Variants in LTBP3 observed in about 807,000 individuals in gnomAD.
The protein encoded by LTBP3 is latent transforming growth factor beta binding protein 3.
In LTBP3, 97 loss-of-function variants were observed where a neutral mutation model predicts 159.7. The ratio of observed to expected loss-of-function variants is 0.61; its 90% CI spans 0.52 to 0.72. The LOEUF (loss-of-function observed/expected upper bound fraction) is 0.72, where lower values mean the gene tolerates loss of function less well. Among genes scored for constraint, LTBP3 ranks in the 30% least tolerant of loss-of-function variants. LTBP3 has a pLI of 0.00. For synonymous variants in LTBP3, 824 were observed against 777.1 expected, an observed-to-expected ratio of 1.06 and a Z score of -1.00; for missense variants, 1,584 against 1,864.3, an observed-to-expected ratio of 0.85 and a Z score of 2.77.
At chr11:65,555,742 G>C (rs1486434607) in intron 1 of LTBP3, among the ~76,000 whole-genome samples, 1 of 152,100 alleles carries the variant, frequency 6.6e-6, no homozygotes, top group Non-Finnish European at 1.5e-5. Context: ...CCAGCCTTGG[G>C]GCTCTGACTC....
intron 1 of LTBP3, among the ~76,000 whole-genome samples, 175 bp downstream of exon 1, chr11:65,557,454 T>A (rs1315865951): frequency 1.3e-5 from 2 of 151,912 alleles, no homozygotes; most frequent in African/African-American, 4.8e-5. Context: ...CCTCCAACTC[T>A]GGCCCCCAGA....
intron 18 of LTBP3, 170 bp downstream of exon 18, chr11:65,542,915 AGGATGGATGGATAGAAGGAT>A: frequency 3.8e-6 from 3 of 787,446 alleles, no homozygotes; most frequent in East Asian, 2.7e-5. Context: ...GATGAATGGA[AGGATGGATGGATAGAAGGAT>A]GGATGGATGG....
rs1258537955 is a variant in LTBP3 at position 65,553,225 on chromosome 11, A to G, written c.1002T>C (p.Arg334=). The G allele has an allele frequency of 6.2e-7, 1 of 1,613,986 alleles. No individual in the cohort carries two copies. Among genetic ancestry groups the G allele is most frequent in the East Asian group, 2.2e-5 (1 of 44,896 alleles). Residue 334 remains arginine, a synonymous_variant, in exon 5 of 28, where the codon CGT becomes CGC. Transcript: ENST00000301873. The surrounding 1 kb of genome is among the most constrained non-coding windows in gnomAD (Gnocchi z 6.5). ...GGGGACAGTCAGCGCCCACTTCCCC[A>G]CGTACAGGCCCTGGCTTCTGCACTC... ...YTGVQKPGPV[R]GEVGADCPQG...
At chr11:65,540,710 G>GGCCTACAGGAGGGGCGGA in intron 21 of LTBP3, 96 bp from the exon 22 acceptor site, 1 of 1,584,566 alleles carries the variant, frequency 6.3e-7, no homozygotes, top group South Asian at 1.1e-5. Flanking sequence ...CCCCGGGCGG[G>GGCCTACAGGAGGGGCGGA]GCCTACAGGA....
rs1856123601 is a variant in LTBP3 at position 65,541,244 on chromosome 11, G to A, written c.2775C>T (p.Asp925=). 1 of 1,613,500 alleles carries A rather than the reference G, an allele frequency of 6.2e-7. No individual in the cohort carries two copies. Among genetic ancestry groups the A allele is most frequent in the Admixed American group, 1.7e-5 (1 of 60,002 alleles). Residue 925 remains aspartate, a synonymous_variant, in exon 20 of 28, where the codon GAC becomes GAT. Transcript: ENST00000301873. The part of the protein sequence containing the change: ...HKKECYLNFD[D]TVFCDSVLAT... ...CCAATACGCTGTCGCAGAACACTGT[G>A]TCATCGAAGTTCAGGTAGCACTCCT...
chr11:65,543,329 A>G (rs1202121293), intron 17 of LTBP3, 98 bp downstream of exon 17: 9 of 1,611,630 alleles, frequency 5.6e-6, no homozygotes, highest in South Asian at 4.4e-5. Context: ...CCACGCCCCT[A>G]TGCCCCAACT....
chr11:65,551,635 T>C, intron 8 of LTBP3, 71 bp from the exon 9 acceptor site: 2 of 1,593,068 alleles, frequency 1.3e-6, no homozygotes, highest in Non-Finnish European at 8.6e-7. Context: ...GATCAGCAGC[T>C]GAGTATTTGC....
Position 65,539,470 on chromosome 11 carries a change from CG to C in LTBP3, c.3629-12del, listed in dbSNP as rs1464834896. On this transcript the variant is annotated splice_polypyrimidine_tract_variant and intron_variant, in intron 26 of 27. Transcript: ENST00000301873. ...CTGAACTGTCCTCATCTGCGTGGCC[CG>C]GAACAATATGGACTTCAACACTGAG... 1.3e-6 allele frequency: 2 copies of C among 1,575,454 alleles called. No individual in the cohort carries two copies. The highest frequency in any genetic ancestry group is 1.7e-6 in the Non-Finnish European group (2 of 1,160,520).
chr11:65,548,295 G>A (rs1048004097), intron 11 of LTBP3: 11 of 627,054 alleles, frequency 1.8e-5, no homozygotes, highest in Non-Finnish European at 2.8e-5. Flanking sequence ...TTCCATTCCC[G>A]GTTCACTCCA....
chr11:65,553,237 T>C lies in LTBP3; in HGVS notation c.990A>G (p.Pro330=). 6.2e-7 allele frequency: 1 copy of C among 1,614,068 alleles called. No homozygotes were observed. ...CGCCCACTTCCCCACGTACAGGCCCTGGCTTCTGCACTCCTGTGTCTGCAG... is the reference window on the plus strand; with the variant it reads ...CGCCCACTTCCCCACGTACAGGCCCCGGCTTCTGCACTCCTGTGTCTGCAG... The part of the protein sequence containing the change: ...PQLQYTGVQK[P]GPVRGEVGAD... The change falls in exon 5 of 28, where the codon CCA becomes CCG. Residue 330 remains proline (P), a synonymous_variant. Coordinates refer to ENST00000301873, the MANE Select transcript of LTBP3 (RefSeq NM_001130144.3). The surrounding 1 kb of genome is among the most constrained non-coding windows in gnomAD (Gnocchi z 6.5).
chr11:65,557,623 C>A lies in LTBP3; in HGVS notation c.331+6G>T, dbSNP rs1487146179. On this transcript the variant is annotated splice_donor_region_variant and intron_variant, in intron 1 of 27. Transcript: ENST00000301873. ...CCCTGCCCCCAGCCGTGCCCCCGGC[C>A]CTCACCCACGCGGAAGCCGGAGCCC... is the stretch of plus-strand genomic sequence containing the variant. 1 of 1,608,950 alleles carries A rather than the reference C, an allele frequency of 6.2e-7. No individual in the cohort carries two copies. Among genetic ancestry groups the A allele is most frequent in the Non-Finnish European group, 8.5e-7 (1 of 1,179,806 alleles).
At position 65,538,614 on chromosome 11, in the gene LTBP3, GTATT is replaced by G. The variant is rs757127679; in HGVS notation, c.*462_*465del. On this transcript the variant is annotated 3_prime_UTR_variant, in exon 28 of 28. Transcript: ENST00000301873. ...GCTGCGGAGAGCCCGCCCCACAGATGTATTTATTGTACAAACCATGTGAGCCCGG... is the reference window on the plus strand; with the variant it reads ...GCTGCGGAGAGCCCGCCCCACAGATGTATTGTACAAACCATGTGAGCCCGG... The G allele has an allele frequency of 2.3e-5, 36 of 1,584,630 alleles. No individual in the cohort carries two copies. Among genetic ancestry groups the G allele is most frequent in the Non-Finnish European group, 3.0e-5 (35 of 1,166,096 alleles).
chr11:65,547,748 A>AT lies in LTBP3; in HGVS notation c.1919dup (p.Asn640LysfsTer151). ...GGCGGTAGCCGCGGTTGCAGTGGCA[A>AT]TTGTAGGAGCCGCCGGTGTTCATGC... On this transcript the variant is annotated frameshift_variant, in exon 13 of 28. Transcript: ENST00000301873. LOFTEE classifies it high-confidence loss of function. This position sits in a 1 kb window ranked among gnomAD's most constrained non-coding sequence, Gnocchi z 4.6. 6.2e-7 allele frequency: 1 copy of AT among 1,609,352 alleles called. No homozygotes were observed. The highest frequency in any genetic ancestry group is 8.5e-7 in the Non-Finnish European group (1 of 1,178,498).
At position 65,538,604 on chromosome 11, in the gene LTBP3, C is replaced by T. The variant is rs1266487868; in HGVS notation, c.*476G>A. The T allele has an allele frequency of 6.3e-7, 1 of 1,595,118 alleles. No individual in the cohort carries two copies. Among genetic ancestry groups the T allele is most frequent in the Non-Finnish European group, 8.5e-7 (1 of 1,171,350 alleles). ...GCCCTTCCCGGCTGCGGAGAGCCCG[C>T]CCCACAGATGTATTTATTGTACAAA... On this transcript the variant is annotated 3_prime_UTR_variant, in exon 28 of 28. Coordinates refer to ENST00000301873, the MANE Select transcript of LTBP3 (RefSeq NM_001130144.3).
chr11:65,541,720 C>T lies in LTBP3; in HGVS notation c.2605G>A (p.Glu869Lys). The part of the protein sequence containing the change: ...VGGRKCQDID[E>K]CSQDPSLCLP... ...CACAGGCTCGGGTCCTGGCTGCACT[C>T]ATCTATGTCTGCGGGGCAAGAGTAG... is the stretch of plus-strand genomic sequence containing the variant. The change falls in exon 19 of 28, where the codon GAG becomes AAG. Residue 869 changes from glutamate (E) to lysine (K), a missense_variant. Physicochemically the swap from Glu to Lys is moderately conservative, Grantham distance 56 (BLOSUM62 1). This residue lies in a region of LTBP3 where 565 missense variants were observed against 677.7 expected (regional missense o/e 0.83). Transcript: ENST00000301873. 2 of 1,614,070 alleles carry T rather than the reference C, an allele frequency of 1.2e-6. No homozygotes were observed. The highest frequency in any genetic ancestry group is 1.7e-6 in the Non-Finnish European group (2 of 1,179,974).
In LTBP3 at chr11:65,558,002, G is replaced by C; in HGVS notation, c.-43C>G. 9.0e-7 allele frequency: 1 copy of C among 1,106,896 alleles called. No individual in the cohort carries two copies. The highest frequency in any genetic ancestry group is 1.7e-5 in the African/African-American group (1 of 60,266). 68.6% of individuals were successfully genotyped at this position (1,106,896 alleles called of 1,614,324 possible). A position where few individuals can be genotyped will look rare whatever the true frequency, so the allele number is the denominator to read the frequency against. On this transcript the variant is annotated 5_prime_UTR_variant, in exon 1 of 28. Coordinates refer to ENST00000301873, the MANE Select transcript of LTBP3 (RefSeq NM_001130144.3). ...GGGGGAGGGGGGGCGCGCCCGGGCG[G>C]GGCGAGGGGCCCGCGCCCGAAGGGA...
In LTBP3 at chr11:65,546,846, T is replaced by C. The variant is rs1590771788; in HGVS notation, c.2182A>G (p.Ile728Val). ...CENKPGSFKC[I>V]ACQPGYRSQG... ...CTGCGGTAGCCAGGCTGACAGGCGA[T>C]GCACTTGAAGCTCCCGGGCTTGTTC... The change falls in exon 15 of 28, where the codon ATC (isoleucine) becomes GTC (valine). Residue 728 changes from isoleucine to valine, a missense_variant. Around this residue, in one of 6 missense-constraint regions of LTBP3, gnomAD observed 565 missense variants for 677.7 expected, o/e 0.83. Coordinates refer to ENST00000301873, the MANE Select transcript of LTBP3 (RefSeq NM_001130144.3). This position sits in a 1 kb window ranked among gnomAD's most constrained non-coding sequence, Gnocchi z 4.0. 6.2e-7 allele frequency: 1 copy of C among 1,611,148 alleles called. No homozygotes were observed. The highest frequency in any genetic ancestry group is 1.7e-5 in the Admixed American group (1 of 60,018).
chr11:65,551,749 G>A, intron 8 of LTBP3, 185 bp from the exon 9 acceptor site: 1 of 895,480 alleles, frequency 1.1e-6, no homozygotes, highest in Non-Finnish European at 1.8e-6. Flanking sequence ...TGATCAGGTT[G>A]AATGGCCTTG....
In LTBP3 at chr11:65,546,747, G is replaced by C. The variant is rs1277571165; in HGVS notation, c.2230+51C>G. 2.3e-5 allele frequency: 36 copies of C among 1,538,990 alleles called. No individual in the cohort carries two copies. The highest frequency in any genetic ancestry group is 3.0e-5 in the Non-Finnish European group (34 of 1,135,360). ...GCCCCGCCCCCAGCGGAGCCAGACT[G>C]GGGGAGGCACCTGACGGCCCCACCC... On this transcript the variant is annotated intron_variant, in intron 15 of 27. Transcript: ENST00000301873. This position sits in a 1 kb window ranked among gnomAD's most constrained non-coding sequence, Gnocchi z 4.0.
Sources: allele counts gnomAD v4.1 joint callset (sites outside exome capture counted in the v4.1 genomes callset), GRCh38; gene constraint gnomAD v4.1.1; regional missense constraint gnomAD v4.1.1; non-coding constraint Gnocchi (gnomAD v3.1); transcripts MANE v1.5; gene names NCBI Gene and HGNC (gene_info 2026-07-23, HGNC 2026-07-21).